The following PHLPP2 variants were observed in gnomAD, a reference collection of about 807,000 sequenced individuals.
PHLPP2 encodes the protein PH domain leucine-rich repeat-containing protein phosphatase 2.
A neutral mutation model predicts 124.9 loss-of-function variants in PHLPP2; 66 were observed. That is an observed-to-expected ratio of 0.53 (90% CI 0.43 to 0.65). The LOEUF (loss-of-function observed/expected upper bound fraction) is 0.65, where lower values mean the gene tolerates loss of function less well. PHLPP2 is among the 30% of genes least tolerant of loss of function. The pLI, the probability that PHLPP2 is intolerant of heterozygous loss-of-function variation, is 0.00. For missense variants in PHLPP2, 1,685 were observed against 1,600.4 expected (o/e 1.05, Z -0.90); for synonymous variants, 681 against 624.7 (o/e 1.09, Z -1.34).
intron 13 of PHLPP2, among the ~76,000 whole-genome samples, chr16:71,662,266 CA>C (rs1322799694): frequency 1.3e-5 from 2 of 151,652 alleles, no homozygotes; most frequent in East Asian, 4.0e-4. Flanking sequence ...CCTGTCTCTA[CA>C]AAAATACAAA....
rs773809168 is a variant in PHLPP2 at position 71,719,533 on chromosome 16, A to C, written c.-6-4732T>G. Reference sequence around the variant, plus strand: ...CCAGCGTGGGCTACACAATGAGGCTATCTCTCTAAAAAGTATCTTTTTTAA... The same window carrying C: ...CCAGCGTGGGCTACACAATGAGGCTCTCTCTCTAAAAAGTATCTTTTTTAA... On this transcript the variant is annotated intron_variant, in intron 1 of 18. Coordinates refer to ENST00000568954, the MANE Select transcript of PHLPP2 (RefSeq NM_015020.3). Among the ~76,000 whole-genome samples the C allele has an allele frequency of 9.2e-5, 14 of 152,240 alleles. No individual in the cohort carries two copies. In the South Asian group the frequency reaches 1.5e-3, roughly 16 times the overall value.
chr16:71,679,341 G>T, intron 7 of PHLPP2, 48 bp downstream of exon 7: 1 of 1,547,416 alleles, frequency 6.5e-7, no homozygotes, highest in Non-Finnish European at 8.9e-7. Context: ...CCCCAGGCAA[G>T]TTCCTTATTC....
intron 11 of PHLPP2, among the ~76,000 whole-genome samples, chr16:71,668,992 T>C (rs980672065): frequency 6.6e-6 from 1 of 152,232 alleles, no homozygotes; most frequent in African/African-American, 2.4e-5. Flanking sequence ...AAAAATTAAC[T>C]ATTATTACTA....
Position 71,690,506 on chromosome 16 carries a change from TTG to T in PHLPP2, c.609+11_609+12del. 1 of 1,540,868 alleles carries T rather than the reference TTG, an allele frequency of 6.5e-7. No individual in the cohort carries two copies. Among genetic ancestry groups the T allele is most frequent in the Non-Finnish European group, 8.9e-7 (1 of 1,126,740 alleles). On this transcript the variant is annotated intron_variant, in intron 4 of 18. Transcript: ENST00000568954. ...TGATCAAATGAAAAATAATTCATCT[TTG>T]TGAGTCTTACCTTTCCACCAACCAG...
At chr16:71,690,176 A>G (rs565115843) in intron 4 of PHLPP2, among the ~76,000 whole-genome samples, 36 of 151,818 alleles carry the variant, frequency 2.4e-4, no homozygotes, top group East Asian at 1.4e-3. Context: ...ATTGGGGGGG[A>G]AAAAAAACCC....
At chr16:71,695,137 T>G (rs1397183728) in intron 3 of PHLPP2, among the ~76,000 whole-genome samples, 1 of 152,082 alleles carries the variant, frequency 6.6e-6, no homozygotes, top group African/African-American at 2.4e-5. Flanking sequence ...CCTAATAATA[T>G]TGAAAGGTTA....
chr16:71,706,983 T>C (rs2045279160), intron 2 of PHLPP2, among the ~76,000 whole-genome samples: 2 of 134,752 alleles, frequency 1.5e-5, no homozygotes, highest in East Asian at 2.3e-4. Context: ...TGAGACGGAG[T>C]CTTGCTGTCG....
chr16:71,674,334 C>G (rs2044923932), intron 9 of PHLPP2, among the ~76,000 whole-genome samples: 1 of 151,508 alleles, frequency 6.6e-6, no homozygotes, highest in South Asian at 2.1e-4. Flanking sequence ...CCACCTAGGC[C>G]TCCAAAGTGT....
chr16:71,700,334 G>A (rs900903126), intron 3 of PHLPP2, among the ~76,000 whole-genome samples: 2 of 151,812 alleles, frequency 1.3e-5, no homozygotes, highest in African/African-American at 4.8e-5. Context: ...GGGCCCAGGA[G>A]GTTGAGGCTG....
At chr16:71,717,044 GTACCT>G (rs1406063338) in intron 1 of PHLPP2, among the ~76,000 whole-genome samples, 16 of 152,140 alleles carry the variant, frequency 1.1e-4, no homozygotes, top group African/African-American at 3.9e-4. Flanking sequence ...TTCCCAATCT[GTACCT>G]TAGTCCAATT....
At chr16:71,705,770 A>G (rs949212190) in intron 2 of PHLPP2, among the ~76,000 whole-genome samples, 1 of 152,164 alleles carries the variant, frequency 6.6e-6, no homozygotes, top group East Asian at 1.9e-4. Flanking sequence ...TTGGCCTCCC[A>G]AAGTGCTGGG....
chr16:71,671,281 T>C (rs1172980662), intron 10 of PHLPP2, among the ~76,000 whole-genome samples: 1 of 152,188 alleles, frequency 6.6e-6, no homozygotes, highest in Admixed American at 6.5e-5. Context: ...CAGTTAGTAT[T>C]TCTTGAGATG....
chr16:71,718,368 A>T (rs1464240441), intron 1 of PHLPP2, among the ~76,000 whole-genome samples: 1 of 152,126 alleles, frequency 6.6e-6, no homozygotes, highest in Non-Finnish European at 1.5e-5. Flanking sequence ...TCACAAGGTC[A>T]GGAGTTCGAG....
At chr16:71,694,205 T>C (rs2045144432) in intron 3 of PHLPP2, among the ~76,000 whole-genome samples, 1 of 146,342 alleles carries the variant, frequency 6.8e-6, no homozygotes, top group Non-Finnish European at 1.5e-5. Flanking sequence ...AATAATAAAA[T>C]AAAATAAAAT....
At position 71,651,014 on chromosome 16, in the gene PHLPP2, T is replaced by C. The variant is rs1053989372; in HGVS notation, c.2818-970A>G. On this transcript the variant is annotated intron_variant, in intron 18 of 18. Transcript: ENST00000568954. ...GTGGCTAAAATAACATTTATAAAAA[T>C]ACTTCCTACTTGTCTACAATCCCCT... Among the ~76,000 whole-genome samples the C allele has an allele frequency of 2.6e-5, 4 of 152,292 alleles. No individual in the cohort carries two copies. In the East Asian group the frequency reaches 7.7e-4, roughly 29 times the overall value.
intron 17 of PHLPP2, among the ~76,000 whole-genome samples, chr16:71,653,877 C>T (rs1362652721): frequency 2.0e-5 from 3 of 152,210 alleles, no homozygotes; most frequent in South Asian, 4.1e-4. Context: ...CTGGCTAACA[C>T]GGTGAAACCC....
At chr16:71,682,218 GTTTT>G (rs537663645) in intron 5 of PHLPP2, among the ~76,000 whole-genome samples, 1 of 134,690 alleles carries the variant, frequency 7.4e-6, no homozygotes. Context: ...TTGTTTTTGG[GTTTT>G]TTTTTTTTTT....
chr16:71,720,338 G>C (rs1377704203), intron 1 of PHLPP2, among the ~76,000 whole-genome samples: 1 of 151,274 alleles, frequency 6.6e-6, no homozygotes, highest in Non-Finnish European at 1.5e-5. Context: ...GGCTGGTCTT[G>C]AACTCTTGGC....
At chr16:71,667,001 C>T (rs1567615753) in intron 12 of PHLPP2, among the ~76,000 whole-genome samples, 177 bp downstream of exon 12, 1 of 152,156 alleles carries the variant, frequency 6.6e-6, no homozygotes, top group Non-Finnish European at 1.5e-5. Context: ...GAGTTACTGC[C>T]TCATAAAACA....
Sources: gnomAD v4.1 joint callset for allele counts (sites outside exome capture counted in the v4.1 genomes callset) on GRCh38, gnomAD v4.1.1 for gene constraint, MANE v1.5 for transcripts, NCBI Gene and HGNC (gene_info 2026-07-23, HGNC 2026-07-21) for gene names.